The following B4GALT5 variants were observed in gnomAD, a reference collection of about 807,000 sequenced individuals.
The protein encoded by B4GALT5 is beta-1,4-galactosyltransferase 5, also known as UDP-Gal:beta-GlcNAc beta-1,4-galactosyltransferase 5.
B4GALT5 carries 11 observed loss-of-function variants against 45.0 expected under a neutral mutation model. The observed-to-expected ratio is 0.24, with a 90% CI of 0.15 to 0.40. The LOEUF (loss-of-function observed/expected upper bound fraction) is 0.40. Among genes scored for constraint, B4GALT5 ranks in the 10% least tolerant of loss-of-function variants. The pLI is 1.00. For missense variants in B4GALT5, 337 were observed against 500.2 expected (o/e 0.67, Z 3.11); for synonymous variants, 185 against 182.9 (o/e 1.01, Z -0.09).
intron 1 of B4GALT5, among the ~76,000 whole-genome samples, chr20:49,695,348 G>A (rs1192798913): frequency 4.0e-5 from 6 of 151,654 alleles, no homozygotes; most frequent in Non-Finnish European, 4.4e-5. Flanking sequence ...GGAGACCACT[G>A]CTTTATATGG....
intron 1 of B4GALT5, among the ~76,000 whole-genome samples, chr20:49,669,660 C>T (rs994016699): frequency 1.3e-5 from 2 of 148,938 alleles, no homozygotes; most frequent in Non-Finnish European, 3.0e-5. Flanking sequence ...CGCGCCATTG[C>T]ACTCCAGCCT....
At chr20:49,649,369 A>G (rs2123007859) in intron 2 of B4GALT5, among the ~76,000 whole-genome samples, 1 of 152,306 alleles carries the variant, frequency 6.6e-6, no homozygotes, top group African/African-American at 2.4e-5. Flanking sequence ...GCCTGAGCCC[A>G]GGAGGCCAAG....
intron 1 of B4GALT5, among the ~76,000 whole-genome samples, chr20:49,713,037 G>A (rs1433857818): frequency 2.6e-5 from 4 of 151,502 alleles, no homozygotes; most frequent in African/African-American, 4.8e-5. Flanking sequence ...GGGGAGGGAG[G>A]GGGCTCACGG....
intron 2 of B4GALT5, among the ~76,000 whole-genome samples, chr20:49,654,376 C>T (rs146572778): frequency 7.5e-4 from 115 of 152,350 alleles, no homozygotes; most frequent in South Asian, 6.2e-3. Context: ...ACATGCAAGA[C>T]GGAAACTGCA....
intron 3 of B4GALT5, 57 bp from the exon 4 acceptor site, chr20:49,643,707 GC>G (rs1457952135): frequency 1.3e-6 from 2 of 1,574,730 alleles, no homozygotes; most frequent in African/African-American, 2.7e-5. Context: ...GTTTCCCTAT[GC>G]CTGGGGTTTT....
chr20:49,658,425 TGTTC>T (rs1202004844), intron 1 of B4GALT5, among the ~76,000 whole-genome samples: 1 of 152,260 alleles, frequency 6.6e-6, no homozygotes, highest in Non-Finnish European at 1.5e-5. Flanking sequence ...CTGTGCAGTA[TGTTC>T]CCACTGCCCT....
chr20:49,689,771 T>C (rs975675812), intron 1 of B4GALT5, among the ~76,000 whole-genome samples: 1 of 152,252 alleles, frequency 6.6e-6, no homozygotes, highest in Non-Finnish European at 1.5e-5. Flanking sequence ...TGCACATACC[T>C]GTGTAATCTA....
At chr20:49,667,341 C>G (rs550060335) in intron 1 of B4GALT5, among the ~76,000 whole-genome samples, 20 of 151,764 alleles carry the variant, frequency 1.3e-4, no homozygotes, top group Non-Finnish European at 2.6e-4. Flanking sequence ...GCTGCGCCCC[C>G]CAGGGGTTCA....
chr20:49,648,734 T>C (rs1281152163), intron 2 of B4GALT5, among the ~76,000 whole-genome samples: 2 of 152,198 alleles, frequency 1.3e-5, no homozygotes, highest in African/African-American at 2.4e-5. Context: ...CAGATGTCTT[T>C]TTCCTAGGGG....
intron 2 of B4GALT5, among the ~76,000 whole-genome samples, chr20:49,650,552 G>T (rs1011056160): frequency 6.6e-6 from 1 of 151,568 alleles, no homozygotes; most frequent in African/African-American, 2.4e-5. Context: ...AAGGAGAATC[G>T]CTTGAACCCA....
In B4GALT5 at chr20:49,713,272, A is replaced by T. The variant is rs182461554; in HGVS notation, c.115+304T>A. Among the ~76,000 whole-genome samples, 203 of 151,618 alleles carry T rather than the reference A, an allele frequency of 1.3e-3. 1 individual carries two copies. Among genetic ancestry groups the T allele is most frequent in the African/African-American group, 4.7e-3 (196 of 41,346 alleles). On this transcript the variant is annotated intron_variant, in intron 1 of 8. Transcript: ENST00000371711. ...CGGGAAGTGGGAGTTCCAGCGAGGC[A>T]AGAGCGGGAAGGGGGTTCCGGAGCA...
intron 1 of B4GALT5, among the ~76,000 whole-genome samples, chr20:49,680,622 T>C (rs1040617797): frequency 6.6e-6 from 1 of 152,060 alleles, no homozygotes; most frequent in African/African-American, 2.4e-5. Flanking sequence ...TAATAATAGG[T>C]GGACTAATAA....
chr20:49,711,942 TA>T (rs1414103147), intron 1 of B4GALT5, among the ~76,000 whole-genome samples: 1 of 152,196 alleles, frequency 6.6e-6, no homozygotes, highest in African/African-American at 2.4e-5. Context: ...GCTACAATCC[TA>T]AAAGGCATTT....
At chr20:49,663,253 G>A (rs1198591299) in intron 1 of B4GALT5, among the ~76,000 whole-genome samples, 1 of 152,104 alleles carries the variant, frequency 6.6e-6, no homozygotes, top group Non-Finnish European at 1.5e-5. Flanking sequence ...TAACCTGGAT[G>A]CTGGTTATTC....
rs575230860 is a variant in B4GALT5, at chr20:49,674,013, G to A, written c.116-17311C>T. Among the ~76,000 whole-genome samples, 7 of 150,064 alleles carry A rather than the reference G, an allele frequency of 4.7e-5. No homozygotes were observed. In the East Asian group the frequency reaches 5.9e-4, roughly 13 times the overall value. Reference sequence around the variant, plus strand: ...ACCACTTTGGGAGGCCGAGGTGGGCGGATCACGAGGTCAGGAGATTTAGAC... The same window carrying A: ...ACCACTTTGGGAGGCCGAGGTGGGCAGATCACGAGGTCAGGAGATTTAGAC... On this transcript the variant is annotated intron_variant, in intron 1 of 8. Coordinates refer to ENST00000371711, the MANE Select transcript of B4GALT5 (RefSeq NM_004776.4).
chr20:49,700,160 T>C (rs1600556433), intron 1 of B4GALT5, among the ~76,000 whole-genome samples: 2 of 152,360 alleles, frequency 1.3e-5, no homozygotes, highest in East Asian at 3.9e-4. Context: ...ACCTTGGGCC[T>C]GGGTGCATGC....
intron 1 of B4GALT5, among the ~76,000 whole-genome samples, chr20:49,683,841 T>C (rs778503763): frequency 9.2e-5 from 14 of 152,078 alleles, no homozygotes; most frequent in Non-Finnish European, 1.6e-4. Context: ...TGGTAAAACA[T>C]TTAAGAATAA....
chr20:49,703,066 C>T (rs547981500), intron 1 of B4GALT5, among the ~76,000 whole-genome samples: 236 of 147,744 alleles, frequency 1.6e-3, no homozygotes, highest in Non-Finnish European at 2.4e-3. Context: ...CCCAGCTACT[C>T]GACAGTCTGA....
At chr20:49,644,322 G>C (rs969466283) in intron 3 of B4GALT5, among the ~76,000 whole-genome samples, 2 of 152,074 alleles carry the variant, frequency 1.3e-5, no homozygotes, top group African/African-American at 4.8e-5. Context: ...CTGAGCTCCA[G>C]TGATTCTCCC....
Sources: allele counts gnomAD v4.1 joint callset (sites outside exome capture counted in the v4.1 genomes callset), GRCh38; gene constraint gnomAD v4.1.1; transcripts MANE v1.5; gene names NCBI Gene and HGNC (gene_info 2026-07-23, HGNC 2026-07-21).